The following ENTPD2 variants were observed in gnomAD, a reference collection of about 807,000 sequenced individuals.
ENTPD2 encodes CD39 antigen-like 1.
In ENTPD2, 48 loss-of-function variants were observed where a neutral mutation model predicts 46.8. The observed-to-expected ratio is 1.03, with a 90% confidence interval of 0.81 to 1.30. ENTPD2 has a LOEUF of 1.30. Ranked by LOEUF, ENTPD2 falls within the 50% of genes most tolerant of loss-of-function variation. The pLI, the probability that ENTPD2 is intolerant of heterozygous loss-of-function variation, is 0.00. For missense variants in ENTPD2, 707 were observed against 651.1 expected (o/e 1.09, Z -0.93); for synonymous variants, 316 against 286.1 (o/e 1.10, Z -1.06).
At chr9:137,051,399 C>T (rs1464248590) in intron 3 of ENTPD2, 29 bp from the exon 4 acceptor site, 13 of 1,539,916 alleles carry the variant, frequency 8.4e-6, no homozygotes, top group Non-Finnish European at 1.1e-5. Context: ...TCCAAGAGGC[C>T]TTCTCCCCAG....
Position 137,053,892 on chromosome 9 carries a change from G to A in ENTPD2, c.106C>T (p.Pro36Ser), listed in dbSNP as rs1832350532. The change falls in exon 1 of 9, where the codon CCC (proline) becomes TCC (serine). Residue 36 changes from proline to serine, a missense_variant. Coordinates refer to ENST00000355097, the MANE Select transcript of ENTPD2 (RefSeq NM_203468.3). Reference protein sequence around the residue: ...CVPTRDVREPPALKYGIVLDA... With the variant: ...CVPTRDVREPSALKYGIVLDA... ...GCCCGGGCGCGCACCTTGAGGGCGG[G>A]CGGCTCCCGGACGTCGCGGGTGGGG... 2.4e-6 allele frequency: 3 copies of A among 1,225,118 alleles called. No individual in the cohort carries two copies. Among genetic ancestry groups the A allele is most frequent in the African/African-American group, 1.6e-5 (1 of 63,940 alleles). 75.9% of individuals were successfully genotyped at this position (1,225,118 alleles called of 1,614,324 possible).
chr9:137,053,756 C>T, intron 1 of ENTPD2, 125 bp downstream of exon 1: 3 of 611,150 alleles, frequency 4.9e-6, no homozygotes, highest in Non-Finnish European at 7.0e-6. Flanking sequence ...CCACCCAGCC[C>T]GCCAGGAGCA....
chr9:137,051,398 C>G (rs764001831), intron 3 of ENTPD2, 28 bp from the exon 4 acceptor site: 1 of 1,539,786 alleles, frequency 6.5e-7, no homozygotes, highest in Non-Finnish European at 8.8e-7. Flanking sequence ...CTCCAAGAGG[C>G]CTTCTCCCCA....
rs893169666 is a variant in ENTPD2 at position 137,048,523 on chromosome 9, G to C, written c.*134C>G. Reference sequence around the variant, plus strand: ...GGAATGCAGGATACAGGGGCGGGGAGAGAGGTTGGGAGAGGGGTGGGTGGA... The same window carrying C: ...GGAATGCAGGATACAGGGGCGGGGACAGAGGTTGGGAGAGGGGTGGGTGGA... On this transcript the variant is annotated 3_prime_UTR_variant, in exon 9 of 9. Coordinates refer to ENST00000355097, the MANE Select transcript of ENTPD2 (RefSeq NM_203468.3). 9.4e-6 allele frequency: 6 copies of C among 641,508 alleles called. No individual in the cohort carries two copies. Among genetic ancestry groups the C allele is most frequent in the Non-Finnish European group, 1.6e-5 (6 of 385,502 alleles). 39.7% of individuals were successfully genotyped at this position (641,508 alleles called of 1,614,324 possible). A position where few individuals can be genotyped will look rare whatever the true frequency, so the allele number is the denominator to read the frequency against.
chr9:137,048,821 G>A lies in ENTPD2; in HGVS notation c.1324C>T (p.Leu442=), dbSNP rs752715178. The A allele has an allele frequency of 1.9e-6, 3 of 1,566,456 alleles. No homozygotes were observed. The highest frequency in any genetic ancestry group is 3.6e-5 in the Admixed American group (2 of 56,066). ...TAVGWALGYM[L]NLTNLIPADP... is the part of the protein sequence containing the mutation. The stretch of plus-strand genomic sequence containing the variant: ...GCGGGGATCAGGTTGGTCAGGTTCA[G>A]CATGTAGCCGAGCGCCCAGCCCACT... Residue 442 remains leucine, a synonymous_variant, in exon 9 of 9, where the codon CTG becomes TTG. Transcript: ENST00000355097.
At chr9:137,049,826 T>C (rs374124039) in intron 7 of ENTPD2, 44 bp downstream of exon 7, 1 of 1,576,550 alleles carries the variant, frequency 6.3e-7, no homozygotes, top group Non-Finnish European at 8.6e-7. Context: ...AGGCGGAGGC[T>C]GAGCCCTTCC....
At chr9:137,049,631 T>A in intron 7 of ENTPD2, 1 of 506,786 alleles carries the variant, frequency 2.0e-6, no homozygotes. Context: ...GGCACCGGCC[T>A]CCCCCTGCCC....
At position 137,053,902 on chromosome 9, in the gene ENTPD2, G is replaced by T. The variant is rs890835262; in HGVS notation, c.96C>A (p.Val32=). The T allele has an allele frequency of 2.0e-5, 25 of 1,225,212 alleles. No homozygotes were observed. Among genetic ancestry groups the T allele is most frequent in the Non-Finnish European group, 1.3e-5 (13 of 983,678 alleles). The allele number at this position is 1,225,212 out of a possible 1,614,324, so 75.9% of individuals were successfully genotyped here. The change falls in exon 1 of 9, where the codon GTC becomes GTA. Residue 32 remains valine (V), a synonymous_variant. Coordinates refer to ENST00000355097, the MANE Select transcript of ENTPD2 (RefSeq NM_203468.3). ...GCACCTTGAGGGCGGGCGGCTCCCG[G>T]ACGTCGCGGGTGGGGACGCACAGCA... ...LLLLCVPTRD[V]REPPALKYGI...
chr9:137,053,304 G>A (rs1339366672), intron 1 of ENTPD2: 1 of 152,402 alleles, frequency 6.6e-6, no homozygotes, highest in African/African-American at 2.4e-5. Flanking sequence ...GCCTGCTGGA[G>A]TGGAGATCCA....
At position 137,048,489 on chromosome 9, in the gene ENTPD2, G is replaced by A; in HGVS notation, c.*168C>T. The A allele has an allele frequency of 3.5e-6, 2 of 564,020 alleles. No individual in the cohort carries two copies. Among genetic ancestry groups the A allele is most frequent in the Non-Finnish European group, 6.2e-6 (2 of 323,950 alleles). 34.9% of individuals were successfully genotyped at this position (564,020 alleles called of 1,614,324 possible). On this transcript the variant is annotated 3_prime_UTR_variant, in exon 9 of 9. Transcript: ENST00000355097. ...GGGGTGGAGCGGTGGGGGATAGAGG[G>A]TGGGTGGAGGAATGCAGGATACAGG... is the stretch of plus-strand genomic sequence containing the variant.
Position 137,049,003 on chromosome 9 carries a change from G to C in ENTPD2, c.1222C>G (p.Leu408Val). ...YCAGAMFVQQ[L>V]LSRGYGFDER... is the part of the protein sequence containing the mutation. ...TCGAAGCCGTAGCCGCGACTCAGCA[G>C]CTGCTGCACGAACATGGCCCCGGCG... is the stretch of plus-strand genomic sequence containing the variant. Residue 408 changes from leucine (L) to valine (V), a missense_variant, in exon 8 of 9, where the codon CTG becomes GTG. By Grantham distance (32) the Leu-to-Val change is conservative (BLOSUM62 1). Coordinates refer to ENST00000355097, the MANE Select transcript of ENTPD2 (RefSeq NM_203468.3). The C allele has an allele frequency of 1.3e-6, 2 of 1,537,492 alleles. No homozygotes were observed. The highest frequency in any genetic ancestry group is 1.7e-6 in the Non-Finnish European group (2 of 1,145,332).
In ENTPD2 at chr9:137,048,499, G is replaced by A. The variant is rs1186098742; in HGVS notation, c.*158C>T. On this transcript the variant is annotated 3_prime_UTR_variant, in exon 9 of 9. Coordinates refer to ENST00000355097, the MANE Select transcript of ENTPD2 (RefSeq NM_203468.3). ...GGTGGGGGATAGAGGGTGGGTGGAG[G>A]AATGCAGGATACAGGGGCGGGGAGA... 1.2e-5 allele frequency: 7 copies of A among 571,580 alleles called. No homozygotes were observed. Among genetic ancestry groups the A allele is most frequent in the African/African-American group, 1.0e-4 (5 of 48,876 alleles). The allele number at this position is 571,580 out of a possible 1,614,324, so 35.4% of individuals were successfully genotyped here. A position where few individuals can be genotyped will look rare whatever the true frequency, so the allele number is the denominator to read the frequency against.
intron 5 of ENTPD2, 44 bp downstream of exon 5, chr9:137,050,858 A>G (rs1832273549): frequency 6.3e-7 from 1 of 1,583,032 alleles, no homozygotes; most frequent in South Asian, 1.1e-5. Flanking sequence ...GCTCTGCTCC[A>G]GGAGGGAACA....
Position 137,049,028 on chromosome 9 carries a change from G to A in ENTPD2, c.1197C>T (p.Cys399=), listed in dbSNP as rs907248514. 2 of 1,536,412 alleles carry A rather than the reference G, an allele frequency of 1.3e-6. No homozygotes were observed. The highest frequency in any genetic ancestry group is 2.0e-5 in the Admixed American group (1 of 50,718). Residue 399 remains cysteine, a synonymous_variant, in exon 8 of 9, where the codon TGC becomes TGT. Coordinates refer to ENST00000355097, the MANE Select transcript of ENTPD2 (RefSeq NM_203468.3). ...PGQRARLADY[C]AGAMFVQQLL... is the part of the protein sequence containing the mutation. ...GCTGCTGCACGAACATGGCCCCGGC[G>A]CAGTAGTCGGCCAGGCGGGCCCGTT...
rs775094455 is a variant in ENTPD2 at position 137,048,787 on chromosome 9, G to A, written c.1358C>T (p.Pro453Leu). ...GAAGTCTGTGCCCTTGCGCAGCCCCGGCGGGTCGGCGGGGATCAGGTTGGT... is the reference window on the plus strand; with the variant it reads ...GAAGTCTGTGCCCTTGCGCAGCCCCAGCGGGTCGGCGGGGATCAGGTTGGT... Reference protein sequence around the residue: ...NLTNLIPADPPGLRKGTDFSS... With the variant: ...NLTNLIPADPLGLRKGTDFSS... Residue 453 changes from proline (P) to leucine (L), a missense_variant, in exon 9 of 9, where the codon CCG (proline) becomes CTG (leucine). Transcript: ENST00000355097. The A allele has an allele frequency of 6.3e-6, 10 of 1,587,266 alleles. No homozygotes were observed. Among genetic ancestry groups the A allele is most frequent in the Non-Finnish European group, 8.6e-6 (10 of 1,166,222 alleles).
Position 137,050,042 on chromosome 9 carries a change from G to GCCGCCACCCGC in ENTPD2, c.1030-54_1030-53insGCGGGTGGCGG, listed in dbSNP as rs879648747. The GCCGCCACCCGC allele has an allele frequency of 8.1e-3, 10,946 of 1,355,746 alleles. 2,522 individuals carry two copies. Among genetic ancestry groups the GCCGCCACCCGC allele is most frequent in the East Asian group, 0.034 (1,181 of 34,346 alleles). 84.0% of individuals were successfully genotyped at this position (1,355,746 alleles called of 1,614,324 possible). The stretch of plus-strand genomic sequence containing the variant: ...CGAACCCCAGCGGCTCAGAGCACCT[G>GCCGCCACCCGC]CTGCCACCCGCCTGTCCCTACTCAC... On this transcript the variant is annotated intron_variant, in intron 6 of 8. Coordinates refer to ENST00000355097, the MANE Select transcript of ENTPD2 (RefSeq NM_203468.3).
intron 5 of ENTPD2, 74 bp from the exon 6 acceptor site, chr9:137,050,612 G>GT: frequency 6.5e-7 from 1 of 1,544,050 alleles, no homozygotes; most frequent in South Asian, 1.2e-5. Flanking sequence ...CCTCCCACAG[G>GT]TCTCACTCTG....
intron 7 of ENTPD2, 56 bp from the exon 8 acceptor site, chr9:137,049,131 A>C (rs868390289): frequency 1.3e-6 from 2 of 1,532,188 alleles, no homozygotes; most frequent in Non-Finnish European, 1.7e-6. Context: ...TCTCGGCCCC[A>C]CGGGGAGAGG....
chr9:137,052,353 GGGGGA>G lies in ENTPD2; in HGVS notation c.118-10_118-6del. 1.2e-4 allele frequency: 167 copies of G among 1,437,298 alleles called. No individual in the cohort carries two copies. The highest frequency in any genetic ancestry group is 1.8e-4 in the Middle Eastern group (1 of 5,674). 89.0% of individuals were successfully genotyped at this position (1,437,298 alleles called of 1,614,324 possible). A position where few individuals can be genotyped will look rare whatever the true frequency, so the allele number is the denominator to read the frequency against. On this transcript the variant is annotated splice_polypyrimidine_tract_variant and splice_region_variant and intron_variant, in intron 1 of 8. Coordinates refer to ENST00000355097, the MANE Select transcript of ENTPD2 (RefSeq NM_203468.3). ...AGCGTCCAGGACGATGCCATACTGC[GGGGGA>G]GGGGGAGGGAGTCAGCCTGGGGTGT...
Sources: gnomAD v4.1 joint callset for allele counts on GRCh38, gnomAD v4.1.1 for gene constraint, MANE v1.5 for transcripts, NCBI Gene and HGNC (gene_info 2026-07-23, HGNC 2026-07-21) for gene names.